Variants in SGCZ observed in about 807,000 individuals in gnomAD.
SGCZ encodes the protein sarcoglycan zeta.
SGCZ carries 40 observed loss-of-function variants against 41.3 expected under a neutral mutation model. The ratio of observed to expected loss-of-function variants is 0.97; its 90% CI spans 0.75 to 1.26. The LOEUF is 1.26. SGCZ is among the 50% of genes most tolerant of loss of function. The pLI is 0.00. For missense variants in SGCZ, 552 were observed against 369.8 expected, an observed-to-expected ratio of 1.49 and a Z score of -4.04; for synonymous variants, 206 against 137.5, an observed-to-expected ratio of 1.50 and a Z score of -3.49.
Position 14,844,830 on chromosome 8 carries a change from A to G in SGCZ, c.40-289904T>C, listed in dbSNP as rs116358310. ...TTCAACATTTGGGACATTAGGCCAT[A>G]TAGGACAGTGACCTCTGAAAGACTG... On this transcript the variant is annotated intron_variant, in intron 1 of 7. Transcript: ENST00000382080. 8.1e-3 allele frequency among the ~76,000 whole-genome samples: 1,237 copies of G among 152,298 alleles called. 20 individuals are homozygous for G. The highest frequency in any genetic ancestry group is 0.028 in the African/African-American group (1,178 of 41,564).
chr8:15,204,259 C>A (rs78094179), intron 1 of SGCZ, among the ~76,000 whole-genome samples: 8,283 of 152,166 alleles, frequency 0.054, 252 homozygotes, highest in South Asian at 0.073. Context: ...ACAATCAATA[C>A]ATTCAAAAAG....
chr8:14,275,999 C>A (rs1800215093), intron 3 of SGCZ, among the ~76,000 whole-genome samples: 1 of 152,194 alleles, frequency 6.6e-6, no homozygotes, highest in South Asian at 2.1e-4. Flanking sequence ...TCTCCCAAGT[C>A]CTAGGGGACA....
At chr8:14,326,111 C>CA (rs56152915) in intron 2 of SGCZ, among the ~76,000 whole-genome samples, 4 of 37,904 alleles carry the variant, frequency 1.1e-4, no homozygotes, top group Admixed American at 5.6e-4. Context: ...GACTCCGTCT[C>CA]AAAAAAAAAA....
At chr8:15,108,332 C>A (rs1585569933) in intron 1 of SGCZ, among the ~76,000 whole-genome samples, 1 of 152,252 alleles carries the variant, frequency 6.6e-6, no homozygotes, top group East Asian at 1.9e-4. Context: ...AGAGGTAGGT[C>A]TGAGGTTGCT....
chr8:14,164,452 A>G (rs1247270267), intron 5 of SGCZ, 128 bp downstream of exon 5: 5 of 1,148,052 alleles, frequency 4.4e-6, no homozygotes, highest in East Asian at 5.0e-5. Context: ...TACTTGAAGA[A>G]CAAACGTTGT....
At chr8:14,484,113 A>G (rs1801608875) in intron 2 of SGCZ, among the ~76,000 whole-genome samples, 1 of 152,226 alleles carries the variant, frequency 6.6e-6, no homozygotes, top group African/African-American at 2.4e-5. Flanking sequence ...AAACAATTCA[A>G]TTATTACAGC....
intron 1 of SGCZ, chr8:14,879,928 C>T (rs1340810607): frequency 6.6e-6 from 1 of 152,110 alleles, no homozygotes; most frequent in African/African-American, 2.4e-5. Flanking sequence ...GCACCTCCCC[C>T]TTCCTGGGTT....
intron 1 of SGCZ, among the ~76,000 whole-genome samples, chr8:15,136,623 T>A (rs1393822132): frequency 6.6e-6 from 1 of 151,924 alleles, no homozygotes; most frequent in Admixed American, 6.6e-5. Flanking sequence ...ATAATGAGAG[T>A]CTCATAAGAT....
chr8:14,754,800 T>C (rs1254356353), intron 1 of SGCZ, among the ~76,000 whole-genome samples: 1 of 152,166 alleles, frequency 6.6e-6, no homozygotes, highest in Non-Finnish European at 1.5e-5. Flanking sequence ...CTTCCTGGGC[T>C]CAAGCAATCC....
intron 1 of SGCZ, among the ~76,000 whole-genome samples, chr8:14,834,107 T>C (rs1018610100): frequency 1.3e-5 from 2 of 152,172 alleles, no homozygotes; most frequent in African/African-American, 4.8e-5. Flanking sequence ...AAAAGGGCTT[T>C]AGATTTTTTT....
At position 15,237,598 on chromosome 8, in the gene SGCZ, A is replaced by C; in HGVS notation, c.26T>G (p.Ile9Ser). Residue 9 changes from isoleucine to serine, a missense_variant, in exon 1 of 8, where the codon ATT becomes AGT. Ile to Ser is a moderately radical substitution (Grantham distance 142). Transcript: ENST00000382080. Reference protein sequence around the residue: MDRSTNLDIEELKMTREQY... With the variant: MDRSTNLDSEELKMTREQY... Reference sequence around the variant, plus strand: ...ACCCGCACGTACCTTGAGCTCCTCAATGTCCAGGTTCGTTGATCTGTCCAT... The same window carrying C: ...ACCCGCACGTACCTTGAGCTCCTCACTGTCCAGGTTCGTTGATCTGTCCAT... 6.3e-7 allele frequency: 1 copy of C among 1,591,568 alleles called. No individual in the cohort carries two copies. Among genetic ancestry groups the C allele is most frequent in the East Asian group, 2.3e-5 (1 of 44,180 alleles).
intron 1 of SGCZ, among the ~76,000 whole-genome samples, chr8:15,174,527 A>G: frequency 6.6e-6 from 1 of 152,334 alleles, no homozygotes; most frequent in South Asian, 2.1e-4. Context: ...TGTAATATAA[A>G]TATACCTATA....
At chr8:14,751,099 T>C (rs1241677181) in intron 1 of SGCZ, among the ~76,000 whole-genome samples, 1 of 152,238 alleles carries the variant, frequency 6.6e-6, no homozygotes, top group African/African-American at 2.4e-5. Flanking sequence ...GATTCCAAGA[T>C]ATCTTTCTTA....
At chr8:14,925,749 T>C (rs1316398633) in intron 1 of SGCZ, among the ~76,000 whole-genome samples, 2 of 152,194 alleles carry the variant, frequency 1.3e-5, no homozygotes, top group African/African-American at 4.8e-5. Flanking sequence ...CACTTTTTCA[T>C]TGCTGTACCA....
At chr8:14,665,390 A>G (rs1275963057) in intron 1 of SGCZ, among the ~76,000 whole-genome samples, 5 of 152,180 alleles carry the variant, frequency 3.3e-5, no homozygotes, top group Non-Finnish European at 7.3e-5. Flanking sequence ...TACGTGCCAC[A>G]TCGTCTTAAT....
At chr8:15,001,000 G>C (rs889075073) in intron 1 of SGCZ, among the ~76,000 whole-genome samples, 1 of 152,172 alleles carries the variant, frequency 6.6e-6, no homozygotes, top group Non-Finnish European at 1.5e-5. Context: ...CAGTATCAAA[G>C]GTGAGAGGAA....
At chr8:14,419,924 C>A (rs1431823812) in intron 2 of SGCZ, among the ~76,000 whole-genome samples, 1 of 151,996 alleles carries the variant, frequency 6.6e-6, no homozygotes, top group Non-Finnish European at 1.5e-5. Flanking sequence ...CCTTTTTCAT[C>A]CCCCATGTCA....
At chr8:14,781,599 G>T (rs989115360) in intron 1 of SGCZ, among the ~76,000 whole-genome samples, 1 of 151,820 alleles carries the variant, frequency 6.6e-6, no homozygotes, top group Non-Finnish European at 1.5e-5. Flanking sequence ...AAATTGTTTG[G>T]GTTATTCTTA....
At chr8:15,206,452 C>CTTTTTTTTTTTTTTTTTTT in intron 1 of SGCZ, among the ~76,000 whole-genome samples, 1 of 144,380 alleles carries the variant, frequency 6.9e-6, no homozygotes. Context: ...TCTGGGGAGT[C>CTTTTTTTTTTTTTTTTTTT]TTTTTTTTTT....
Sources: gnomAD v4.1 joint callset for allele counts (sites outside exome capture counted in the v4.1 genomes callset) on GRCh38, gnomAD v4.1.1 for gene constraint, MANE v1.5 for transcripts, NCBI Gene and HGNC (gene_info 2026-07-23, HGNC 2026-07-21) for gene names.